Variants in ALK observed in about 807,000 individuals in gnomAD.
ALK encodes the protein ALK tyrosine kinase receptor.
Under a neutral mutation model 163.1 loss-of-function variants are expected in ALK, and 74 were observed. That is an observed-to-expected ratio of 0.45 (90% CI 0.38 to 0.55). ALK has a LOEUF of 0.55. Ranked by LOEUF, ALK falls within the 20% of genes least tolerant of loss-of-function variation. The pLI is 0.00. For missense variants in ALK, 2,063 were observed against 2,105.3 expected, an observed-to-expected ratio of 0.98 and a Z score of 0.39; for synonymous variants, 960 against 843.2, an observed-to-expected ratio of 1.14 and a Z score of -2.40.
At chr2:29,685,332 G>A (rs1678204370) in intron 3 of ALK, among the ~76,000 whole-genome samples, 3 of 152,108 alleles carry the variant, frequency 2.0e-5, no homozygotes, top group Admixed American at 1.3e-4. Flanking sequence ...CCCATTTCTA[G>A]CAATGTGCCT....
intron 1 of ALK, among the ~76,000 whole-genome samples, chr2:29,871,896 G>C (rs867926302): frequency 6.6e-6 from 1 of 152,174 alleles, no homozygotes; most frequent in African/African-American, 2.4e-5. Context: ...TTACCTGCCC[G>C]ATCAGGTGAG....
Position 29,851,614 on chromosome 2 carries a change from G to A in ALK, c.667+68379C>T, listed in dbSNP as rs954184400. ...CTCAGTAAGTCTAGGGTGGGGCCTG[G>A]AAGTCTGTGTTTCTGTCCAGCTCCC... On this transcript the variant is annotated intron_variant, in intron 1 of 28. Transcript: ENST00000389048. 2.0e-5 allele frequency among the ~76,000 whole-genome samples: 3 copies of A among 152,306 alleles called. No individual in the cohort carries two copies. In the South Asian group the frequency reaches 6.2e-4, roughly 32 times the overall value.
chr2:29,589,693 G>A (rs1674991698), intron 3 of ALK, among the ~76,000 whole-genome samples: 2 of 152,044 alleles, frequency 1.3e-5, no homozygotes, highest in Admixed American at 1.3e-4. Flanking sequence ...ATAGAGTTGG[G>A]GCCTTCTCGT....
chr2:29,522,055 A>C (rs1212966221), intron 4 of ALK, among the ~76,000 whole-genome samples: 1 of 152,238 alleles, frequency 6.6e-6, no homozygotes, highest in Non-Finnish European at 1.5e-5. Flanking sequence ...TGGGATTTAT[A>C]AACAATAAAT....
chr2:29,531,822 G>A, intron 4 of ALK, 93 bp downstream of exon 4: 2 of 1,309,138 alleles, frequency 1.5e-6, no homozygotes, highest in South Asian at 1.2e-5. Flanking sequence ...ACAATCATGA[G>A]TTTGTAAGTA....
At chr2:29,379,359 AT>A (rs1487651701) in intron 5 of ALK, among the ~76,000 whole-genome samples, 1 of 152,222 alleles carries the variant, frequency 6.6e-6, no homozygotes, top group Non-Finnish European at 1.5e-5. Context: ...AAGGTGCAGC[AT>A]TTATCAATTG....
intron 3 of ALK, among the ~76,000 whole-genome samples, chr2:29,677,303 T>G (rs1308068675): frequency 2.1e-5 from 3 of 140,058 alleles, no homozygotes; most frequent in Non-Finnish European, 4.6e-5. Context: ...TCCCTTCCTT[T>G]GTATTGGCTA....
intron 3 of ALK, among the ~76,000 whole-genome samples, chr2:29,581,307 G>A (rs545082353): frequency 9.9e-5 from 15 of 152,232 alleles, no homozygotes; most frequent in Non-Finnish European, 2.1e-4. Context: ...AGAATCGCTT[G>A]AACCCGGGAG....
intron 4 of ALK, among the ~76,000 whole-genome samples, chr2:29,406,721 G>A (rs549579319): frequency 5.4e-4 from 82 of 152,142 alleles, no homozygotes; most frequent in Non-Finnish European, 9.1e-4. Flanking sequence ...CCAACATGGT[G>A]AAACCTCATC....
rs76392885 is a variant in ALK at position 29,350,056 on chromosome 2, C to A, written c.1283-21575G>T. ...ATCTCTAGCAAGCAGGGCTGATAAA[C>A]TGCTGCTCTCAGGGTGAAGGTTTGG... is the stretch of plus-strand genomic sequence containing the variant. On this transcript the variant is annotated intron_variant, in intron 5 of 28. Transcript: ENST00000389048. Among the ~76,000 whole-genome samples, 349 of 152,338 alleles carry A rather than the reference C, an allele frequency of 2.3e-3. 1 individual carries two copies. Among genetic ancestry groups the A allele is most frequent in the African/African-American group, 8.0e-3 (333 of 41,570 alleles).
intron 3 of ALK, among the ~76,000 whole-genome samples, chr2:29,613,921 G>T (rs908273093): frequency 4.6e-5 from 7 of 152,140 alleles, no homozygotes; most frequent in African/African-American, 1.7e-4. Flanking sequence ...AAAAGGGGGG[G>T]TTCTACAGCT....
At chr2:29,844,158 G>C (rs1665777668) in intron 1 of ALK, among the ~76,000 whole-genome samples, 1 of 152,208 alleles carries the variant, frequency 6.6e-6, no homozygotes, top group South Asian at 2.1e-4. Context: ...TGAAGGATAA[G>C]AAGGAGTTGT....
intron 1 of ALK, among the ~76,000 whole-genome samples, chr2:29,886,373 C>T (rs983521640): frequency 1.1e-4 from 16 of 152,202 alleles, no homozygotes; most frequent in African/African-American, 3.9e-4. Flanking sequence ...GTTGAAAAGT[C>T]AAGTGTACAT....
chr2:29,914,438 C>A (rs1667779609), intron 1 of ALK, among the ~76,000 whole-genome samples: 1 of 152,124 alleles, frequency 6.6e-6, no homozygotes, highest in South Asian at 2.1e-4. Context: ...TATATGGAAC[C>A]CCTAGAGTTG....
intron 3 of ALK, among the ~76,000 whole-genome samples, chr2:29,568,353 T>C (rs1573462825): frequency 6.6e-6 from 1 of 152,270 alleles, no homozygotes; most frequent in Non-Finnish European, 1.5e-5. Context: ...GACAACGGCA[T>C]AGTGACATTT....
At chr2:29,273,961 T>C (rs112698361) in intron 11 of ALK, among the ~76,000 whole-genome samples, 6,621 of 152,194 alleles carry the variant, frequency 0.044, 198 homozygotes, top group Middle Eastern at 0.065. Flanking sequence ...TGCAGTTTTG[T>C]AGGACGGGCT....
At chr2:29,478,802 G>C (rs1156527168) in intron 4 of ALK, among the ~76,000 whole-genome samples, 1 of 152,186 alleles carries the variant, frequency 6.6e-6, no homozygotes, top group Non-Finnish European at 1.5e-5. Flanking sequence ...ATTTGGAAAG[G>C]TCAGGGAGAA....
At chr2:29,666,316 C>CT (rs1282139025) in intron 3 of ALK, among the ~76,000 whole-genome samples, 2 of 151,640 alleles carry the variant, frequency 1.3e-5, no homozygotes, top group African/African-American at 2.4e-5. Context: ...TCTAGGGTCC[C>CT]TTTTTTTTCT....
At chr2:29,522,762 G>C (rs770416204) in intron 4 of ALK, among the ~76,000 whole-genome samples, 2 of 152,178 alleles carry the variant, frequency 1.3e-5, no homozygotes, top group Non-Finnish European at 2.9e-5. Context: ...GGACTGAAGG[G>C]ACAACAGGCC....
Sources: allele counts gnomAD v4.1 joint callset (sites outside exome capture counted in the v4.1 genomes callset), GRCh38; gene constraint gnomAD v4.1.1; transcripts MANE v1.5; gene names NCBI Gene and HGNC (gene_info 2026-07-23, HGNC 2026-07-21).